Variants in FNBP1L observed in about 807,000 individuals in gnomAD.
The protein encoded by FNBP1L is formin binding protein 1 like, also known as formin-binding protein 1-like.
A neutral mutation model predicts 91.2 loss-of-function variants in FNBP1L; 36 were observed. The ratio of observed to expected loss-of-function variants is 0.39; its 90% CI spans 0.30 to 0.52. FNBP1L has a LOEUF of 0.52. FNBP1L is among the 20% of genes least tolerant of loss of function. The pLI is 0.66. For synonymous variants in FNBP1L, 242 were observed against 237.0 expected (o/e 1.02, Z -0.19); for missense variants, 571 against 732.1 (o/e 0.78, Z 2.54).
chr1:93,467,278 TATACAC>T lies in FNBP1L; in HGVS notation c.24+18979_24+18984del, dbSNP rs564830583. 4.5e-4 allele frequency among the ~76,000 whole-genome samples: 68 copies of T among 152,348 alleles called. 1 individual carries two copies. The highest frequency in any genetic ancestry group is 1.6e-3 in the Admixed American group (24 of 15,306). ...AGATAAATGAATAAACAAAATTTGT[TATACAC>T]ATACAGTGAATATTATTCAGCCTTG... On this transcript the variant is annotated intron_variant, in intron 1 of 16. Transcript: ENST00000271234.
intron 1 of FNBP1L, among the ~76,000 whole-genome samples, chr1:93,458,119 T>C (rs1668734554): frequency 6.9e-6 from 1 of 144,992 alleles, no homozygotes; most frequent in Admixed American, 6.7e-5. Context: ...ATTAAGTTTT[T>C]AATTTTTGCT....
At chr1:93,452,060 A>G (rs935901839) in intron 1 of FNBP1L, among the ~76,000 whole-genome samples, 7 of 152,230 alleles carry the variant, frequency 4.6e-5, no homozygotes, top group Non-Finnish European at 8.8e-5. Flanking sequence ...TATTATCCTC[A>G]GTGTTAACCT....
At chr1:93,449,786 T>C (rs1308162845) in intron 1 of FNBP1L, among the ~76,000 whole-genome samples, 1 of 152,184 alleles carries the variant, frequency 6.6e-6, no homozygotes, top group Non-Finnish European at 1.5e-5. Context: ...TTTACATTGG[T>C]TAGTTTCTCA....
intron 2 of FNBP1L, among the ~76,000 whole-genome samples, chr1:93,503,278 CGTGAGAACTAACTCACTGTT>C (rs1396104369): frequency 1.3e-5 from 2 of 152,052 alleles, no homozygotes; most frequent in Non-Finnish European, 2.9e-5. Context: ...CATCAGATCT[CGTGAGAACTAACTCACTGTT>C]GTGAGAACAA....
chr1:93,448,459 A>C, intron 1 of FNBP1L, among the ~76,000 whole-genome samples, 154 bp downstream of exon 1: 1 of 149,110 alleles, frequency 6.7e-6, no homozygotes, highest in East Asian at 2.0e-4. Context: ...TTGTGTGCAG[A>C]CTCCTCTTCC....
At chr1:93,518,826 C>T (rs1671221519) in intron 2 of FNBP1L, among the ~76,000 whole-genome samples, 2 of 152,180 alleles carry the variant, frequency 1.3e-5, no homozygotes, top group South Asian at 4.1e-4. Flanking sequence ...ATATTTTCAT[C>T]ATCCCAAAAA....
At position 93,499,316 on chromosome 1, in the gene FNBP1L, T is replaced by A. The variant is rs569084351; in HGVS notation, c.25-152T>A. Among the ~76,000 whole-genome samples the A allele has an allele frequency of 4.3e-4, 65 of 152,252 alleles. 1 individual carries two copies. The highest frequency in any genetic ancestry group is 1.4e-3 in the Admixed American group (21 of 15,286). On this transcript the variant is annotated intron_variant, in intron 1 of 16. Coordinates refer to ENST00000271234, the MANE Select transcript of FNBP1L (RefSeq NM_001164473.3). Reference sequence around the variant, plus strand: ...TGCTTAGGGACGACCTATTTCTAGGTCTTAAAGGGTGAAGTGGGGGAGCTA... The same window carrying A: ...TGCTTAGGGACGACCTATTTCTAGGACTTAAAGGGTGAAGTGGGGGAGCTA...
chr1:93,480,704 A>T (rs1473237689), intron 1 of FNBP1L, among the ~76,000 whole-genome samples: 2 of 151,710 alleles, frequency 1.3e-5, no homozygotes, highest in African/African-American at 2.4e-5. Flanking sequence ...TCCTGCCTAG[A>T]GGTGCCTGCC....
intron 2 of FNBP1L, among the ~76,000 whole-genome samples, chr1:93,505,943 C>T (rs1278982039): frequency 6.6e-6 from 1 of 152,154 alleles, no homozygotes; most frequent in Non-Finnish European, 1.5e-5. Context: ...TCCCAAAGTG[C>T]TGGGATTACA....
intron 2 of FNBP1L, among the ~76,000 whole-genome samples, chr1:93,503,839 TAA>T (rs921713896): frequency 6.6e-6 from 1 of 152,204 alleles, no homozygotes; most frequent in Admixed American, 6.5e-5. Context: ...ATATATGTGA[TAA>T]GTTTGTATCA....
chr1:93,516,163 T>C (rs1162995295), intron 2 of FNBP1L, among the ~76,000 whole-genome samples: 1 of 151,918 alleles, frequency 6.6e-6, no homozygotes, highest in African/African-American at 2.4e-5. Context: ...CAGAGCATTG[T>C]GGGATTAAAG....
At chr1:93,484,385 A>G (rs1417223290) in intron 1 of FNBP1L, among the ~76,000 whole-genome samples, 3 of 152,250 alleles carry the variant, frequency 2.0e-5, no homozygotes, top group Non-Finnish European at 2.9e-5. Flanking sequence ...AGGGGAAAAC[A>G]GACTAGAGTA....
At chr1:93,540,844 CTT>C (rs55649797) in intron 10 of FNBP1L, among the ~76,000 whole-genome samples, 196 bp from the exon 11 acceptor site, 5,138 of 122,900 alleles carry the variant, frequency 0.042, 218 homozygotes, top group African/African-American at 0.13. Flanking sequence ...TCAATGTATG[CTT>C]TTTTTTTTTT....
intron 3 of FNBP1L, among the ~76,000 whole-genome samples, chr1:93,522,955 C>G (rs918452551): frequency 6.6e-6 from 1 of 152,084 alleles, no homozygotes; most frequent in Non-Finnish European, 1.5e-5. Context: ...GATCAGCCAT[C>G]GAGATGCATT....
At chr1:93,451,280 A>T (rs1003615111) in intron 1 of FNBP1L, among the ~76,000 whole-genome samples, 5 of 152,274 alleles carry the variant, frequency 3.3e-5, no homozygotes, top group Middle Eastern at 3.4e-3. Context: ...TTTTTAACAG[A>T]TAGGGACATT....
intron 2 of FNBP1L, among the ~76,000 whole-genome samples, chr1:93,505,551 C>T (rs893993484): frequency 1.3e-5 from 2 of 152,254 alleles, no homozygotes; most frequent in Admixed American, 1.3e-4. Context: ...AGGCTATGAC[C>T]TAATGCTTGC....
At chr1:93,532,818 G>A in intron 7 of FNBP1L, 104 bp from the exon 8 acceptor site, 1 of 789,544 alleles carries the variant, frequency 1.3e-6, no homozygotes, top group Non-Finnish European at 1.9e-6. Context: ...GTGTAACTAT[G>A]AGGGTAGAAA....
At chr1:93,533,170 G>A in intron 8 of FNBP1L, 102 bp downstream of exon 8, 1 of 952,322 alleles carries the variant, frequency 1.1e-6, no homozygotes, top group Non-Finnish European at 1.5e-6. Context: ...TCTGATGTGT[G>A]GTTCTAAATT....
chr1:93,456,676 A>C (rs1668676156), intron 1 of FNBP1L, among the ~76,000 whole-genome samples: 2 of 148,804 alleles, frequency 1.3e-5, no homozygotes, highest in South Asian at 4.3e-4. Flanking sequence ...GCTACTCAGG[A>C]GGCTGAGGCG....
Sources: gnomAD v4.1 joint callset for allele counts (sites outside exome capture counted in the v4.1 genomes callset) on GRCh38, gnomAD v4.1.1 for gene constraint, MANE v1.5 for transcripts, NCBI Gene and HGNC (gene_info 2026-07-23, HGNC 2026-07-21) for gene names.